Variants in RXFP2 observed in about 807,000 individuals in gnomAD.
RXFP2 encodes the protein relaxin receptor 2.
A neutral mutation model predicts 88.6 loss-of-function variants in RXFP2; 68 were observed. The observed-to-expected ratio is 0.77, with a 90% CI of 0.63 to 0.94. RXFP2 has a LOEUF of 0.94. Ranked by LOEUF, RXFP2 falls within the 40% of genes least tolerant of loss-of-function variation. The pLI, the probability that RXFP2 is intolerant of heterozygous loss-of-function variation, is 0.00. For synonymous variants in RXFP2, 329 were observed against 306.8 expected (o/e 1.07, Z -0.76); for missense variants, 791 against 893.9 (o/e 0.88, Z 1.47).
chr13:31,800,572 A>AAAAAC lies in RXFP2; in HGVS notation c.2006-1559_2006-1555dup, dbSNP rs566105863. ...GGGCGACAGAGTGAGACTCCATTTC[A>AAAAAC]AAAACAAAACAAAACAAAAACAAAA... On this transcript the variant is annotated intron_variant, in intron 17 of 17. Coordinates refer to ENST00000298386, the MANE Select transcript of RXFP2 (RefSeq NM_130806.5). Among the ~76,000 whole-genome samples, 153 of 152,274 alleles carry AAAAAC rather than the reference A, an allele frequency of 1.0e-3. 1 individual carries two copies. The highest frequency in any genetic ancestry group is 2.5e-3 in the Admixed American group (38 of 15,298).
At chr13:31,786,029 G>C (rs1042751548) in intron 11 of RXFP2, among the ~76,000 whole-genome samples, 1 of 152,190 alleles carries the variant, frequency 6.6e-6, no homozygotes, top group African/African-American at 2.4e-5. Context: ...AAGAGACCAC[G>C]TATATGAAGC....
intron 13 of RXFP2, 94 bp from the exon 14 acceptor site, chr13:31,789,028 G>A: frequency 1.2e-6 from 1 of 817,290 alleles, no homozygotes; most frequent in South Asian, 1.4e-5. Context: ...GGTAACATAA[G>A]ATCTTGAAGC....
intron 2 of RXFP2, among the ~76,000 whole-genome samples, chr13:31,761,025 G>T (rs1300748469): frequency 6.6e-6 from 1 of 152,116 alleles, no homozygotes; most frequent in African/African-American, 2.4e-5. Context: ...CATGATCATG[G>T]TTCACTGCAG....
At chr13:31,801,734 G>A (rs763379091) in intron 17 of RXFP2, among the ~76,000 whole-genome samples, 2 of 152,210 alleles carry the variant, frequency 1.3e-5, no homozygotes, top group Non-Finnish European at 2.9e-5. Context: ...ACTGGATGGA[G>A]TTAAGACCAA....
rs142994138 is a variant in RXFP2, at chr13:31,800,241, C to T, written c.2006-1905C>T. Among the ~76,000 whole-genome samples the T allele has an allele frequency of 1.9e-3, 288 of 152,270 alleles. 1 individual carries two copies. Among genetic ancestry groups the T allele is most frequent in the African/African-American group, 6.6e-3 (276 of 41,546 alleles). ...GGTTATGGCATGCCACTGACAGTAC[C>T]TGGGGTCACCCAAAAGATAGGCCAG... On this transcript the variant is annotated intron_variant, in intron 17 of 17. Transcript: ENST00000298386.
intron 14 of RXFP2, among the ~76,000 whole-genome samples, chr13:31,790,635 A>C (rs2138455038): frequency 6.6e-6 from 1 of 152,342 alleles, no homozygotes; most frequent in African/African-American, 2.4e-5. Flanking sequence ...GAGAGCTTCC[A>C]TTTAGCTTTG....
At chr13:31,786,280 A>T in intron 11 of RXFP2, 103 bp from the exon 12 acceptor site, 1 of 902,222 alleles carries the variant, frequency 1.1e-6, no homozygotes, top group Non-Finnish European at 1.9e-6. Context: ...AATTGGATTC[A>T]TATTTTCTGT....
chr13:31,761,933 C>T, intron 3 of RXFP2, 132 bp downstream of exon 3: 1 of 664,076 alleles, frequency 1.5e-6, no homozygotes, highest in African/African-American at 1.8e-5. Context: ...CACTGGCTAA[C>T]AGGTCTGCTG....
chr13:31,749,986 T>C (rs541039925), intron 1 of RXFP2, among the ~76,000 whole-genome samples: 152 of 152,334 alleles, frequency 1.0e-3, no homozygotes, highest in Non-Finnish European at 1.8e-3. Context: ...GTTTTATAGA[T>C]AACTACACTT....
intron 5 of RXFP2, among the ~76,000 whole-genome samples, chr13:31,767,580 G>A (rs1263705380): frequency 6.6e-6 from 1 of 152,134 alleles, no homozygotes. Flanking sequence ...TTGTTTCACA[G>A]CAATTGAAAT....
intron 1 of RXFP2, among the ~76,000 whole-genome samples, chr13:31,742,355 CT>C (rs1428034604): frequency 1.3e-5 from 2 of 152,192 alleles, no homozygotes; most frequent in African/African-American, 4.8e-5. Context: ...GTCAGTTTCA[CT>C]TGGCCACTCT....
At chr13:31,751,645 G>A (rs1254048136) in intron 1 of RXFP2, among the ~76,000 whole-genome samples, 1 of 152,224 alleles carries the variant, frequency 6.6e-6, no homozygotes, top group Non-Finnish European at 1.5e-5. Context: ...AGAACAGCCA[G>A]TGAAAGTTCC....
intron 14 of RXFP2, 92 bp downstream of exon 14, chr13:31,789,285 C>G: frequency 1.2e-6 from 1 of 851,038 alleles, no homozygotes; most frequent in Admixed American, 1.8e-5. Context: ...CAATGTGTTT[C>G]TATGCAACAA....
At chr13:31,775,909 G>T (rs975778905) in intron 7 of RXFP2, among the ~76,000 whole-genome samples, 60 of 152,214 alleles carry the variant, frequency 3.9e-4, no homozygotes, top group Non-Finnish European at 2.9e-5. Flanking sequence ...CGGTTAGCAG[G>T]CTTTCTGTAT....
chr13:31,802,501 G>A lies in RXFP2; in HGVS notation c.*96G>A, dbSNP rs1005954783. The A allele has an allele frequency of 1.8e-5, 24 of 1,339,034 alleles. No homozygotes were observed. In the East Asian group the frequency reaches 3.4e-4, roughly 19 times the overall value. The allele number at this position is 1,339,034 out of a possible 1,614,324, so 82.9% of individuals were successfully genotyped here. A position where few individuals can be genotyped will look rare whatever the true frequency, so the allele number is the denominator to read the frequency against. On this transcript the variant is annotated 3_prime_UTR_variant, in exon 18 of 18. Transcript: ENST00000298386. ...TGCAATGCTTTTCATCTTTACCAAC[G>A]GCAAGCCTTTCTGCACAGAGAGCAC...
Position 31,786,414 on chromosome 13 carries a change from T to C in RXFP2, c.961T>C (p.Ser321Pro), listed in dbSNP as rs1427892666. 2 of 1,609,456 alleles carry C rather than the reference T, an allele frequency of 1.2e-6. No individual in the cohort carries two copies. The highest frequency in any genetic ancestry group is 2.2e-5 in the East Asian group (1 of 44,830). The change falls in exon 12 of 18, where the codon TCA becomes CCA. Residue 321 changes from serine to proline, a missense_variant. Ser to Pro is a moderately conservative substitution (Grantham distance 74, BLOSUM62 -1). Transcript: ENST00000298386. Reference protein sequence around the residue: ...DLSSNTITELSPHLFKDLKLL... With the variant: ...DLSSNTITELPPHLFKDLKLL... ...GTCTAGCAATACGATAACGGAACTA[T>C]CACCTCACCTTTTTAAAGACTTGAA...
intron 13 of RXFP2, 111 bp downstream of exon 13, chr13:31,786,748 G>C (rs1873564532): frequency 1.4e-6 from 1 of 713,916 alleles, no homozygotes; most frequent in Non-Finnish European, 2.5e-6. Flanking sequence ...TCAGACAACT[G>C]TCTGAATCAC....
chr13:31,754,225 C>T (rs371368077), intron 1 of RXFP2, among the ~76,000 whole-genome samples: 43 of 152,248 alleles, frequency 2.8e-4, no homozygotes, highest in African/African-American at 9.9e-4. Flanking sequence ...TTAGTTAGGT[C>T]CAGCCCTCAA....
intron 17 of RXFP2, 72 bp from the exon 18 acceptor site, chr13:31,802,074 G>T: frequency 6.8e-7 from 1 of 1,472,438 alleles, no homozygotes; most frequent in Non-Finnish European, 9.5e-7. Context: ...AGCATTGACT[G>T]CAAAGTGTTA....
Sources: allele counts gnomAD v4.1 joint callset (sites outside exome capture counted in the v4.1 genomes callset), GRCh38; gene constraint gnomAD v4.1.1; transcripts MANE v1.5; gene names NCBI Gene and HGNC (gene_info 2026-07-23, HGNC 2026-07-21).